Variants in CSMD2 observed in about 807,000 individuals in gnomAD.
The protein encoded by CSMD2 is CUB and Sushi multiple domains 2, also known as CUB and sushi domain-containing protein 2.
CSMD2 carries 130 observed loss-of-function variants against 398.5 expected under a neutral mutation model. The observed-to-expected ratio is 0.33, with a 90% CI of 0.28 to 0.38. The LOEUF (loss-of-function observed/expected upper bound fraction) is 0.38. Among genes scored for constraint, CSMD2 ranks in the 10% least tolerant of loss-of-function variants. The pLI, the probability that CSMD2 is intolerant of heterozygous loss-of-function variation, is 1.00. For synonymous variants in CSMD2, 1,828 were observed against 1,908.5 expected (o/e 0.96, Z 1.10); for missense variants, 3,829 against 4,764.9 (o/e 0.80, Z 5.78).
chr1:33,580,598 A>G (rs1461255296), intron 48 of CSMD2, among the ~76,000 whole-genome samples, 155 bp downstream of exon 48: 1 of 152,180 alleles, frequency 6.6e-6, no homozygotes, highest in Non-Finnish European at 1.5e-5. Context: ...CAAGAGGGGA[A>G]TGGAATAGAA....
At chr1:33,725,872 C>T (rs1286510661) in intron 16 of CSMD2, among the ~76,000 whole-genome samples, 1 of 151,572 alleles carries the variant, frequency 6.6e-6, no homozygotes, top group Non-Finnish European at 1.5e-5. Context: ...AGGGCCAGAT[C>T]TGGTCTATAG....
chr1:34,111,016 T>C (rs1435157748), intron 1 of CSMD2, among the ~76,000 whole-genome samples: 1 of 152,226 alleles, frequency 6.6e-6, no homozygotes, highest in Non-Finnish European at 1.5e-5. Context: ...TGTATCACTC[T>C]GTAGCACCCT....
At chr1:33,800,693 G>A (rs982363852) in intron 10 of CSMD2, among the ~76,000 whole-genome samples, 2 of 152,172 alleles carry the variant, frequency 1.3e-5, no homozygotes, top group Admixed American at 1.3e-4. Flanking sequence ...ACAAAATCCT[G>A]GCTAGCAAGC....
chr1:33,737,666 A>G (rs1557816234), intron 15 of CSMD2, among the ~76,000 whole-genome samples: 2 of 152,246 alleles, frequency 1.3e-5, no homozygotes, highest in East Asian at 3.9e-4. Context: ...GAGGCCTTTC[A>G]TTGATATGCG....
chr1:33,645,840 C>T (rs887807200), intron 29 of CSMD2, among the ~76,000 whole-genome samples: 1 of 152,226 alleles, frequency 6.6e-6, no homozygotes, highest in Non-Finnish European at 1.5e-5. Context: ...TAAACATGAA[C>T]TTTCAATCCA....
intron 5 of CSMD2, chr1:33,870,192 T>C (rs1366841313): frequency 2.0e-5 from 3 of 152,184 alleles, no homozygotes; most frequent in African/African-American, 4.8e-5. Context: ...ATGTGACCAC[T>C]TGTCACACTT....
chr1:33,550,570 C>T (rs1205919157), intron 55 of CSMD2, among the ~76,000 whole-genome samples: 1 of 152,260 alleles, frequency 6.6e-6, no homozygotes, highest in African/African-American at 2.4e-5. Context: ...AATACCTTCT[C>T]AGCATGTAGC....
chr1:33,686,681 G>C (rs1450681440), intron 25 of CSMD2, among the ~76,000 whole-genome samples: 1 of 152,124 alleles, frequency 6.6e-6, no homozygotes, highest in Non-Finnish European at 1.5e-5. Flanking sequence ...AGATCCCTCT[G>C]GTCACCCTCA....
At chr1:33,585,752 C>T (rs2148744762) in intron 46 of CSMD2, among the ~76,000 whole-genome samples, 1 of 152,294 alleles carries the variant, frequency 6.6e-6, no homozygotes, top group Admixed American at 6.5e-5. Context: ...AAAGGCTGAC[C>T]TGTTTCCCCA....
At chr1:34,090,526 C>G (rs1571079488) in intron 1 of CSMD2, among the ~76,000 whole-genome samples, 1 of 151,900 alleles carries the variant, frequency 6.6e-6, no homozygotes, top group African/African-American at 2.4e-5. Flanking sequence ...CCCACCCACT[C>G]TCTCCTCTTC....
At chr1:33,719,706 G>T (rs575025891) in intron 19 of CSMD2, among the ~76,000 whole-genome samples, 1 of 152,304 alleles carries the variant, frequency 6.6e-6, no homozygotes, top group South Asian at 2.1e-4. Context: ...CCTGCTCAAA[G>T]GTCTTGGCTA....
intron 52 of CSMD2, 76 bp from the exon 53 acceptor site, chr1:33,567,917 G>A (rs1183612695): frequency 2.0e-6 from 3 of 1,496,670 alleles, no homozygotes; most frequent in Non-Finnish European, 2.7e-6. Flanking sequence ...CCTGAGAGTA[G>A]CAATCTAGGA....
At chr1:33,892,254 T>C (rs1199162435) in intron 5 of CSMD2, among the ~76,000 whole-genome samples, 1 of 152,006 alleles carries the variant, frequency 6.6e-6, no homozygotes, top group Non-Finnish European at 1.5e-5. Flanking sequence ...TAATTTCATA[T>C]GGGGGGATAT....
chr1:33,669,605 G>A (rs147135864), intron 25 of CSMD2, among the ~76,000 whole-genome samples: 281 of 152,302 alleles, frequency 1.8e-3, no homozygotes, highest in African/African-American at 6.6e-3. Context: ...AGTTCCCCCT[G>A]CAAATGGCCC....
At chr1:34,006,449 C>T (rs114029266) in intron 3 of CSMD2, among the ~76,000 whole-genome samples, 6,609 of 152,194 alleles carry the variant, frequency 0.043, 496 homozygotes, top group African/African-American at 0.15. Flanking sequence ...CTCTCACCAC[C>T]GTTCACCTCC....
chr1:34,150,861 A>T (rs1343431311), intron 1 of CSMD2, among the ~76,000 whole-genome samples: 7 of 152,188 alleles, frequency 4.6e-5, no homozygotes, highest in Non-Finnish European at 7.3e-5. Flanking sequence ...TCGAGGTTAC[A>T]TTGAGACATG....
Position 34,016,013 on chromosome 1 carries a change from CTGTGTGTGTGTGTGTGTG to C in CSMD2, c.517+16563_517+16580del, listed in dbSNP as rs72213161. On this transcript the variant is annotated intron_variant, in intron 3 of 70. Transcript: ENST00000373381. ...GCCCATTTACACTGGACTCCTTGCT[CTGTGTGTGTGTGTGTGTG>C]TGTGTGTGTGTGTATGTGTGTATTT... Among the ~76,000 whole-genome samples the C allele has an allele frequency of 4.0e-5, 6 of 149,104 alleles. No individual in the cohort carries two copies. In the East Asian group the frequency reaches 1.0e-3, roughly 25 times the overall value.
intron 3 of CSMD2, among the ~76,000 whole-genome samples, chr1:34,021,945 T>C (rs1648946669): frequency 6.6e-6 from 1 of 152,238 alleles, no homozygotes; most frequent in Non-Finnish European, 1.5e-5. Context: ...TTATAGTCAA[T>C]GGCATGTCAC....
At chr1:33,810,069 G>C (rs1656683481) in intron 10 of CSMD2, among the ~76,000 whole-genome samples, 1 of 152,068 alleles carries the variant, frequency 6.6e-6, no homozygotes, top group African/African-American at 2.4e-5. Flanking sequence ...GTATCAAAAA[G>C]ATATCAGTTC....
Sources: allele counts gnomAD v4.1 joint callset (sites outside exome capture counted in the v4.1 genomes callset), GRCh38; gene constraint gnomAD v4.1.1; transcripts MANE v1.5; gene names NCBI Gene and HGNC (gene_info 2026-07-23, HGNC 2026-07-21).